Variants in PLXND1 observed in about 807,000 individuals in gnomAD.
PLXND1 encodes the protein plexin D1, also known as plexin-D1.
Under a neutral mutation model 197.7 loss-of-function variants are expected in PLXND1, and 54 were observed. The ratio of observed to expected loss-of-function variants is 0.27; its 90% CI spans 0.22 to 0.34. The LOEUF (loss-of-function observed/expected upper bound fraction) is 0.34, where lower values mean the gene tolerates loss of function less well. Ranked by LOEUF, PLXND1 falls within the 10% of genes least tolerant of loss-of-function variation. PLXND1 has a pLI of 1.00. For missense variants in PLXND1, 2,127 were observed against 2,699.2 expected, an observed-to-expected ratio of 0.79 and a Z score of 4.70; for synonymous variants, 1,180 against 1,161.2, an observed-to-expected ratio of 1.02 and a Z score of -0.33.
intron 8 of PLXND1, among the ~76,000 whole-genome samples, chr3:129,580,379 C>T (rs961937138): frequency 3.9e-5 from 6 of 152,160 alleles, no homozygotes; most frequent in South Asian, 2.1e-4. Context: ...CCCTGCAGAC[C>T]GCAGGCTGCC....
intron 1 of PLXND1, among the ~76,000 whole-genome samples, chr3:129,595,630 G>C (rs1263081734): frequency 1.3e-5 from 2 of 152,196 alleles, no homozygotes; most frequent in African/African-American, 4.8e-5. Context: ...AGACCCTTCG[G>C]GGAGGCCTGC....
Position 129,563,149 on chromosome 3 carries a change from C to T in PLXND1, c.4613G>A (p.Arg1538His), listed in dbSNP as rs767543021. ...CAGCCACTCCTCACTGAGTGTGTAG[C>T]GGGCCTTGCCTGTGATGGCGTCGAT... ...GSIDAITGKA[R>H]YTLSEEWLLR... Residue 1538 changes from arginine (R) to histidine (H), a missense_variant, in exon 26 of 36, where the codon CGC becomes CAC. Physicochemically the swap from Arg to His is conservative, Grantham distance 29. Transcript: ENST00000324093. 17 of 1,612,178 alleles carry T rather than the reference C, an allele frequency of 1.1e-5. No homozygotes were observed. Among genetic ancestry groups the T allele is most frequent in the Admixed American group, 1.0e-4 (6 of 59,412 alleles).
At position 129,565,524 on chromosome 3, in the gene PLXND1, G is replaced by A. The variant is rs1217331466; in HGVS notation, c.4337C>T (p.Ser1446Leu). ...FAVRDRCSLA[S>L]LLTIALHGKL... ...GCCGTGCAGCGCGATGGTCAGCAGC[G>A]AGGCCAGGCTGCACCTGTGAGCGGG... The change falls in exon 25 of 36, where the codon TCG (serine) becomes TTG (leucine). Residue 1446 changes from serine (S) to leucine (L), a missense_variant. Physicochemically the swap from Ser to Leu is moderately radical, Grantham distance 145. This residue lies in a region of PLXND1 where 532 missense variants were observed against 811.0 expected (regional missense o/e 0.66). Transcript: ENST00000324093. The A allele has an allele frequency of 2.5e-6, 4 of 1,613,152 alleles. No individual in the cohort carries two copies. Among genetic ancestry groups the A allele is most frequent in the South Asian group, 1.1e-5 (1 of 91,060 alleles).
At chr3:129,588,464 C>T (rs1030537540) in intron 2 of PLXND1, among the ~76,000 whole-genome samples, 2 of 135,996 alleles carry the variant, frequency 1.5e-5, no homozygotes, top group African/African-American at 5.3e-5. Context: ...CAGAGCCAGA[C>T]TCCGAATGTG....
In PLXND1 at chr3:129,566,605, G is replaced by A. The variant is rs1304854544; in HGVS notation, c.4113C>T (p.Tyr1371=). ...PKCSSLYEER[Y]VLPSQTLNSQ... is the part of the protein sequence containing the mutation. ...AGTTGAGGGTCTGGGAGGGCAGCAC[G>A]TAACGCTCTTCATAAAGGGAGGAAC... Residue 1371 remains tyrosine, a synonymous_variant, in exon 23 of 36, where the codon TAC becomes TAT. Transcript: ENST00000324093. 7 of 1,609,680 alleles carry A rather than the reference G, an allele frequency of 4.3e-6. No homozygotes were observed. The highest frequency in any genetic ancestry group is 2.7e-5 in the African/African-American group (2 of 74,842).
Position 129,565,526 on chromosome 3 carries a change from G to T in PLXND1, c.4335C>A (p.Ala1445=), listed in dbSNP as rs1260589103. 6.2e-7 allele frequency: 1 copy of T among 1,613,256 alleles called. No homozygotes were observed. Among genetic ancestry groups the T allele is most frequent in the Non-Finnish European group, 8.5e-7 (1 of 1,179,658 alleles). ...DFAVRDRCSL[A]SLLTIALHGK... ...CGTGCAGCGCGATGGTCAGCAGCGAGGCCAGGCTGCACCTGTGAGCGGGAG... is the reference window on the plus strand; with the variant it reads ...CGTGCAGCGCGATGGTCAGCAGCGATGCCAGGCTGCACCTGTGAGCGGGAG... The change falls in exon 25 of 36, where the codon GCC becomes GCA. Residue 1445 remains alanine (A), a synonymous_variant. Transcript: ENST00000324093.
intron 22 of PLXND1, 22 bp downstream of exon 22, chr3:129,567,470 G>A: frequency 1.4e-6 from 2 of 1,415,048 alleles, no homozygotes; most frequent in Middle Eastern, 3.5e-4. Flanking sequence ...CAGGTTCAGG[G>A]CAGGCTCAGG....
rs751006502 is a variant in PLXND1, at chr3:129,574,395, G to T, written c.2626C>A (p.Arg876Ser). 1.2e-5 allele frequency: 20 copies of T among 1,612,398 alleles called. 1 individual carries two copies. The South Asian group carries it at 2.0e-4, about 16-fold the overall frequency. Reference protein sequence around the residue: ...GHLCMWSDGCRLRGPLQPMAG... With the variant: ...GHLCMWSDGCSLRGPLQPMAG... ...ATGGGCTGCAGAGGCCCCCGCAGGC[G>T]GCAGCCATCACTCCACATGCACAGG... is the stretch of plus-strand genomic sequence containing the variant. The change falls in exon 12 of 36, where the codon CGC (arginine) becomes AGC (serine). Residue 876 changes from arginine to serine, a missense_variant. Physicochemically the swap from Arg to Ser is moderately radical, Grantham distance 110. Transcript: ENST00000324093.
At chr3:129,592,922 C>T (rs941619879) in intron 1 of PLXND1, among the ~76,000 whole-genome samples, 2 of 152,136 alleles carry the variant, frequency 1.3e-5, no homozygotes, top group African/African-American at 2.4e-5. Flanking sequence ...GACTCGGGGA[C>T]TAGACGTCCT....
In PLXND1 at chr3:129,567,550, C is replaced by G; in HGVS notation, c.4028G>C (p.Ser1343Thr). 6.2e-7 allele frequency: 1 copy of G among 1,612,336 alleles called. No homozygotes were observed. The highest frequency in any genetic ancestry group is 8.5e-7 in the Non-Finnish European group (1 of 1,179,072). ...ATACTCCAGGAAGGGGATGCCCTGG[C>G]TGCGGTTCAGCTCCTTGGTGAGATC... The part of the protein sequence containing the change: ...MTDLTKELNR[S>T]QGIPFLEYKH... Residue 1343 changes from serine (S) to threonine (T), a missense_variant, in exon 22 of 36, where the codon AGC becomes ACC. By Grantham distance (58) the Ser-to-Thr change is moderately conservative. Coordinates refer to ENST00000324093, the MANE Select transcript of PLXND1 (RefSeq NM_015103.3).
intron 15 of PLXND1, 76 bp from the exon 16 acceptor site, chr3:129,571,920 G>A: frequency 7.0e-7 from 1 of 1,427,950 alleles, no homozygotes; most frequent in Non-Finnish European, 9.5e-7. Context: ...GAGACCTGGG[G>A]CACAAGTCCA....
intron 19 of PLXND1, among the ~76,000 whole-genome samples, chr3:129,570,317 A>G (rs1300162163): frequency 2.0e-5 from 3 of 152,020 alleles, no homozygotes; most frequent in Non-Finnish European, 4.4e-5. Context: ...AGGTATGAGG[A>G]CTCAGAGTGC....
intron 2 of PLXND1, among the ~76,000 whole-genome samples, chr3:129,587,235 C>T (rs1382215768): frequency 6.6e-6 from 1 of 152,220 alleles, no homozygotes; most frequent in East Asian, 1.9e-4. Context: ...ACGCCCATTT[C>T]ACCGAAGAGG....
At position 129,557,090 on chromosome 3, in the gene PLXND1, T is replaced by G. The variant is rs764422118; in HGVS notation, c.5579A>C (p.Glu1860Ala). ...EQEMNAHLAE[E>A]SRKYQNEFNT... Reference sequence around the variant, plus strand: ...GCCGCCGAGCCACCGCACCCTCGACTCCTCGGCCAGATGGGCATTCATCTC... The same window carrying G: ...GCCGCCGAGCCACCGCACCCTCGACGCCTCGGCCAGATGGGCATTCATCTC... The change falls in exon 34 of 36, where the codon GAG becomes GCG. Residue 1860 changes from glutamate (E) to alanine (A), a missense_variant. Physicochemically the swap from Glu to Ala is moderately radical, Grantham distance 107. Around this residue, in one of 6 missense-constraint regions of PLXND1, gnomAD observed 200 missense variants for 303.3 expected, o/e 0.66. Coordinates refer to ENST00000324093, the MANE Select transcript of PLXND1 (RefSeq NM_015103.3). This position sits in a 1 kb window ranked among gnomAD's most constrained non-coding sequence, Gnocchi z 4.8. 1 of 1,613,012 alleles carries G rather than the reference T, an allele frequency of 6.2e-7. No individual in the cohort carries two copies. The highest frequency in any genetic ancestry group is 1.1e-5 in the South Asian group (1 of 91,052).
At chr3:129,596,194 G>A (rs2085619703) in intron 1 of PLXND1, among the ~76,000 whole-genome samples, 1 of 152,110 alleles carries the variant, frequency 6.6e-6, no homozygotes, top group Admixed American at 6.5e-5. Flanking sequence ...CCACGGAGCA[G>A]AGGCTCGGGA....
Position 129,565,557 on chromosome 3 carries a change from T to C in PLXND1, c.4323-19A>G. Reference sequence around the variant, plus strand: ...GCTGCACCTGTGAGCGGGAGGCAGGTGTCAACTGCACCTTGAGGCCCTAGG... The same window carrying C: ...GCTGCACCTGTGAGCGGGAGGCAGGCGTCAACTGCACCTTGAGGCCCTAGG... On this transcript the variant is annotated intron_variant, in intron 24 of 35. Coordinates refer to ENST00000324093, the MANE Select transcript of PLXND1 (RefSeq NM_015103.3). 6.2e-7 allele frequency: 1 copy of C among 1,607,046 alleles called. No homozygotes were observed. Among genetic ancestry groups the C allele is most frequent in the Admixed American group, 1.7e-5 (1 of 59,928 alleles).
intron 27 of PLXND1, among the ~76,000 whole-genome samples, chr3:129,562,217 T>G (rs1401214650): frequency 6.6e-6 from 1 of 152,050 alleles, no homozygotes; most frequent in East Asian, 1.9e-4. Context: ...AAGACTCCTA[T>G]AAAACCCACT....
rs138452605 is a variant in PLXND1, at chr3:129,595,921, G to GCGCGCACACA, written c.1312-6395_1312-6394insTGTGTGCGCG. Reference sequence around the variant, plus strand: ...CTTACAGCCCTGGGGGTGCACGCACGCACACACACACACACACACACACAC... The same window carrying GCGCGCACACA: ...CTTACAGCCCTGGGGGTGCACGCACGCGCGCACACACACACACACACACACACACACACAC... On this transcript the variant is annotated intron_variant, in intron 1 of 35. Coordinates refer to ENST00000324093, the MANE Select transcript of PLXND1 (RefSeq NM_015103.3). Among the ~76,000 whole-genome samples, 4 of 146,514 alleles carry GCGCGCACACA rather than the reference G, an allele frequency of 2.7e-5. No individual in the cohort carries two copies. The East Asian group carries it at 6.2e-4, about 23-fold the overall frequency.
chr3:129,595,805 G>A (rs1300020499), intron 1 of PLXND1, among the ~76,000 whole-genome samples: 1 of 152,108 alleles, frequency 6.6e-6, no homozygotes. Flanking sequence ...ACCCCAAACA[G>A]GCATGGCCTG....
Sources: allele counts gnomAD v4.1 joint callset (sites outside exome capture counted in the v4.1 genomes callset), GRCh38; gene constraint gnomAD v4.1.1; regional missense constraint gnomAD v4.1.1; non-coding constraint Gnocchi (gnomAD v3.1); transcripts MANE v1.5; gene names NCBI Gene and HGNC (gene_info 2026-07-23, HGNC 2026-07-21).